Variants in ADAR observed in about 807,000 individuals in gnomAD.
ADAR encodes double-stranded RNA-specific adenosine deaminase.
A neutral mutation model predicts 113.2 loss-of-function variants in ADAR; 41 were observed. The ratio of observed to expected loss-of-function variants is 0.36; its 90% confidence interval spans 0.28 to 0.47. The LOEUF is 0.47. Ranked by LOEUF, ADAR falls within the 20% of genes least tolerant of loss-of-function variation. ADAR has a pLI of 1.00. For missense variants in ADAR, 1,242 were observed against 1,540.9 expected (o/e 0.81, Z 3.25); for synonymous variants, 605 against 572.6 (o/e 1.06, Z -0.81).
At position 154,585,326 on chromosome 1, in the gene ADAR, A is replaced by G; in HGVS notation, c.3334T>C (p.Tyr1112His). 1 of 1,614,182 alleles carries G rather than the reference A, an allele frequency of 6.2e-7. No homozygotes were observed. The highest frequency in any genetic ancestry group is 8.5e-7 in the Non-Finnish European group (1 of 1,180,026). ...TTCCCGGATTGCCTTTTGGAATCAT[A>G]TATGCTGACTCTGCCAACCTAGGAA... is the stretch of plus-strand genomic sequence containing the variant. ...NHPKVGRVSIYDSKRQSGKTK... is the reference protein window; with the variant it reads ...NHPKVGRVSIHDSKRQSGKTK... The change falls in exon 14 of 15, where the codon TAT (tyrosine) becomes CAT (histidine). Residue 1112 changes from tyrosine to histidine, a missense_variant. Physicochemically the swap from Tyr to His is moderately conservative, Grantham distance 83. This residue lies in a region of ADAR where 780 missense variants were observed against 1,057.9 expected (regional missense o/e 0.74). Coordinates refer to ENST00000368474, the MANE Select transcript of ADAR (RefSeq NM_001111.5).
chr1:154,611,540 A>G (rs1199560048), upstream of ADAR, among the ~76,000 whole-genome samples: 1 of 152,146 alleles, frequency 6.6e-6, no homozygotes, highest in Non-Finnish European at 1.5e-5. Flanking sequence ...ACCAAAAATA[A>G]TAGGTTTATT....
At chr1:154,586,446 G>C in intron 11 of ADAR, 83 bp from the exon 12 acceptor site, 1 of 1,355,542 alleles carries the variant, frequency 7.4e-7, no homozygotes, top group Non-Finnish European at 1.0e-6. Flanking sequence ...CCTTAAGCTT[G>C]GGCCACAGGC....
At chr1:154,585,996 G>T in intron 12 of ADAR, 131 bp from the exon 13 acceptor site, 1 of 1,170,718 alleles carries the variant, frequency 8.5e-7, no homozygotes, top group Non-Finnish European at 1.2e-6. Context: ...TTGTTAGGAA[G>T]CACCTTCTGA....
intron 10 of ADAR, 59 bp from the exon 11 acceptor site, chr1:154,588,317 C>T: frequency 1.3e-5 from 21 of 1,612,484 alleles, no homozygotes; most frequent in Non-Finnish European, 1.6e-5. Flanking sequence ...TTTCGTGGGG[C>T]TCCAAAACAG....
At chr1:154,624,483 T>C (rs1224370445) in intron 1 of ADAR, among the ~76,000 whole-genome samples, 1 of 152,202 alleles carries the variant, frequency 6.6e-6, no homozygotes, top group Non-Finnish European at 1.5e-5. Context: ...TATATAAATT[T>C]TGTATGTTCC....
chr1:154,590,028 A>T, intron 7 of ADAR, 100 bp from the exon 8 acceptor site: 1 of 1,532,814 alleles, frequency 6.5e-7, no homozygotes, highest in East Asian at 2.3e-5. Flanking sequence ...CGTGTGAGTC[A>T]TCTTTTCCTT....
At chr1:154,592,481 T>C (rs1462979200) in intron 6 of ADAR, among the ~76,000 whole-genome samples, 4 of 152,170 alleles carry the variant, frequency 2.6e-5, no homozygotes, top group Non-Finnish European at 5.9e-5. Context: ...TAGGAGGCTA[T>C]TGTGACAGTC....
exon 1 of ADAR, chr1:154,627,925 A>ACCCCCCCCCCCCCCC: frequency 6.8e-6 from 2 of 293,270 alleles, no homozygotes; most frequent in Non-Finnish European, 6.7e-6. Context: ...CCCTCCCCCC[A>ACCCCCCCCCCCCCCC]CCCTCCCCCA....
chr1:154,591,307 T>C (rs1203856726), intron 6 of ADAR, among the ~76,000 whole-genome samples: 2 of 152,268 alleles, frequency 1.3e-5, no homozygotes, highest in Admixed American at 6.5e-5. Context: ...TGTTACTTCA[T>C]ACACTGTCTG....
At chr1:154,623,567 G>C (rs1344475147) in intron 1 of ADAR, among the ~76,000 whole-genome samples, 1 of 152,184 alleles carries the variant, frequency 6.6e-6, no homozygotes, top group Non-Finnish European at 1.5e-5. Context: ...CTCATCCCAA[G>C]AGTGAGCCTA....
intron 12 of ADAR, 81 bp downstream of exon 12, chr1:154,586,100 C>T (rs1473114611): frequency 6.4e-7 from 1 of 1,556,472 alleles, no homozygotes; most frequent in Non-Finnish European, 8.8e-7. Context: ...GGAGACAAAA[C>T]ACCTGGCAAT....
chr1:154,598,017 A>G, intron 3 of ADAR, 41 bp from the exon 4 acceptor site: 2 of 1,597,064 alleles, frequency 1.3e-6, no homozygotes, highest in Admixed American at 3.5e-5. Context: ...AAACTAAGAA[A>G]ACACTGGTTA....
At chr1:154,620,142 C>T (rs1698749436) in intron 1 of ADAR, among the ~76,000 whole-genome samples, 1 of 152,236 alleles carries the variant, frequency 6.6e-6, no homozygotes, top group Admixed American at 6.5e-5. Flanking sequence ...GGCGCGGTGG[C>T]TCATGCCTGT....
chr1:154,602,663 G>A, intron 1 of ADAR, 37 bp from the exon 2 acceptor site: 1 of 1,608,530 alleles, frequency 6.2e-7, no homozygotes, highest in East Asian at 2.2e-5. Flanking sequence ...AAATGAATTA[G>A]GGCTGCAGTG....
chr1:154,585,494 C>T, intron 13 of ADAR, 150 bp from the exon 14 acceptor site: 5 of 1,115,918 alleles, frequency 4.5e-6, no homozygotes, highest in Non-Finnish European at 6.6e-6. Context: ...ACTGAGCACC[C>T]TCTAGACATA....
intron 1 of ADAR, among the ~76,000 whole-genome samples, chr1:154,607,428 A>AT (rs1015872038): frequency 4.6e-5 from 7 of 152,156 alleles, no homozygotes; most frequent in Non-Finnish European, 1.0e-4. Flanking sequence ...CTTAAGTGCC[A>AT]TTTTTAACTC....
Position 154,584,934 on chromosome 1 carries a change from C to A in ADAR, c.3553G>T (p.Ala1185Ser). ...RDLLRLSYGEAKKAARDYETA... is the reference protein window; with the variant it reads ...RDLLRLSYGESKKAARDYETA... ...TCGTAGTCACGGGCAGCTTTCTTGG[C>A]CTCACCATAGGAGAGTCTCAGTAGA... The change falls in exon 15 of 15, where the codon GCC (alanine) becomes TCC (serine). Residue 1185 changes from alanine to serine, a missense_variant. Physicochemically the swap from Ala to Ser is moderately conservative, Grantham distance 99. This residue lies in a region of ADAR where 780 missense variants were observed against 1,057.9 expected (regional missense o/e 0.74). Transcript: ENST00000368474. The A allele has an allele frequency of 6.2e-7, 1 of 1,614,152 alleles. No homozygotes were observed. The highest frequency in any genetic ancestry group is 1.1e-5 in the South Asian group (1 of 91,086).
chr1:154,599,466 C>T (rs1005329645), intron 2 of ADAR, among the ~76,000 whole-genome samples: 9 of 152,198 alleles, frequency 5.9e-5, no homozygotes, highest in African/African-American at 2.2e-4. Flanking sequence ...CAGTCTCTAC[C>T]CCAAACAATC....
At chr1:154,590,642 T>C (rs916174954) in intron 6 of ADAR, among the ~76,000 whole-genome samples, 1 of 152,132 alleles carries the variant, frequency 6.6e-6, no homozygotes, top group Non-Finnish European at 1.5e-5. Flanking sequence ...CTAAATTGAC[T>C]TCTTAGAGCC....
Sources: gnomAD v4.1 joint callset for allele counts (sites outside exome capture counted in the v4.1 genomes callset) on GRCh38, gnomAD v4.1.1 for gene constraint, gnomAD v4.1.1 regional missense constraint, MANE v1.5 for transcripts, NCBI Gene and HGNC (gene_info 2026-07-23, HGNC 2026-07-21) for gene names.